The following TTLL9 variants were observed in gnomAD, a reference collection of about 807,000 sequenced individuals.
TTLL9 encodes tubulin tyrosine ligase like 9, also known as probable tubulin polyglutamylase TTLL9.
A neutral mutation model predicts 65.6 loss-of-function variants in TTLL9; 47 were observed. That is an observed-to-expected ratio of 0.72 (90% CI 0.57 to 0.91). TTLL9 has a LOEUF of 0.91. Among genes scored for constraint, TTLL9 ranks in the 40% least tolerant of loss-of-function variants. TTLL9 has a pLI of 0.00. For synonymous variants in TTLL9, 179 were observed against 204.8 expected (o/e 0.87, Z 1.07); for missense variants, 537 against 568.8 (o/e 0.94, Z 0.57).
intron 3 of TTLL9, among the ~76,000 whole-genome samples, chr20:31,897,799 C>G (rs2063407991): frequency 6.6e-6 from 1 of 152,160 alleles, no homozygotes; most frequent in South Asian, 2.1e-4. Flanking sequence ...GAGTGGGCCA[C>G]AGATGTGTTC....
chr20:31,873,828 GAAAGAAAGA>G (rs1237441864), intron 2 of TTLL9, among the ~76,000 whole-genome samples: 4,632 of 60,216 alleles, frequency 0.077, 93 homozygotes, highest in Non-Finnish European at 0.1. Context: ...AAGGAAGAAA[GAAAGAAAGA>G]AAGAAAGAAA....
At chr20:31,898,072 T>C (rs1303042738) in intron 3 of TTLL9, among the ~76,000 whole-genome samples, 1 of 152,180 alleles carries the variant, frequency 6.6e-6, no homozygotes, top group African/African-American at 2.4e-5. Context: ...TTCAGTCTTA[T>C]ATTTGTTTTA....
chr20:31,903,017 C>T (rs978553227), intron 4 of TTLL9, among the ~76,000 whole-genome samples: 1 of 152,146 alleles, frequency 6.6e-6, no homozygotes, highest in Non-Finnish European at 1.5e-5. Flanking sequence ...GCACACACCA[C>T]CATACCTTGC....
chr20:31,886,111 A>AT (rs1277590816), intron 2 of TTLL9, among the ~76,000 whole-genome samples: 1 of 152,334 alleles, frequency 6.6e-6, no homozygotes, highest in Non-Finnish European at 1.5e-5. Flanking sequence ...AACCCCAGCC[A>AT]TCACCTTGAC....
At chr20:31,913,812 C>T (rs1197750091) in intron 6 of TTLL9, among the ~76,000 whole-genome samples, 1 of 152,220 alleles carries the variant, frequency 6.6e-6, no homozygotes, top group Non-Finnish European at 1.5e-5. Flanking sequence ...TAGCTTTCTT[C>T]CCATGGAAGC....
At chr20:31,931,974 A>T (rs2064020070) in intron 10 of TTLL9, among the ~76,000 whole-genome samples, 1 of 152,160 alleles carries the variant, frequency 6.6e-6, no homozygotes, top group Non-Finnish European at 1.5e-5. Context: ...GGTCACAGTG[A>T]CTTATTCCTC....
intron 9 of TTLL9, among the ~76,000 whole-genome samples, chr20:31,925,357 T>A (rs574522637): frequency 7.9e-5 from 12 of 152,292 alleles, no homozygotes; most frequent in Admixed American, 2.6e-4. Flanking sequence ...AGGTTTTATC[T>A]CATTCAGGCC....
At chr20:31,942,391 C>T (rs2064225466) in intron 14 of TTLL9, among the ~76,000 whole-genome samples, 1 of 152,168 alleles carries the variant, frequency 6.6e-6, no homozygotes, top group South Asian at 2.1e-4. Flanking sequence ...GTACGGAAAA[C>T]TCATCTCTTA....
intron 7 of TTLL9, among the ~76,000 whole-genome samples, chr20:31,922,459 C>A (rs939465457): frequency 6.6e-6 from 1 of 152,174 alleles, no homozygotes; most frequent in African/African-American, 2.4e-5. Context: ...CCGTTCCCTC[C>A]TCTCCCCAGC....
At chr20:31,923,222 A>T (rs1036014960) in intron 8 of TTLL9, among the ~76,000 whole-genome samples, 169 bp downstream of exon 8, 4 of 152,204 alleles carry the variant, frequency 2.6e-5, no homozygotes, top group African/African-American at 9.7e-5. Flanking sequence ...TTGCCTGTAC[A>T]GTTCCCTCTG....
In TTLL9 at chr20:31,873,828, G is replaced by GAAAGAA. The variant is rs1555800235; in HGVS notation, c.69+2635_69+2640dup. On this transcript the variant is annotated intron_variant, in intron 2 of 14. Coordinates refer to ENST00000535842, the MANE Select transcript of TTLL9 (RefSeq NM_001008409.5). ...AGGAAGGAAGGAAGGAAGGAAGAAA[G>GAAAGAA]AAAGAAAGAAAGAAAGAAAGAAAGA... 9.7e-3 allele frequency among the ~76,000 whole-genome samples: 593 copies of GAAAGAA among 61,374 alleles called. 9 individuals carry two copies. Among genetic ancestry groups the GAAAGAA allele is most frequent in the African/African-American group, 0.035 (522 of 14,766 alleles). The allele number at this position is 61,374 out of a possible 152,430, so 40.3% of individuals were successfully genotyped here. A position where few individuals can be genotyped will look rare whatever the true frequency, so the allele number is the denominator to read the frequency against.
At chr20:31,892,260 A>G (rs2063317952) in intron 3 of TTLL9, among the ~76,000 whole-genome samples, 2 of 151,696 alleles carry the variant, frequency 1.3e-5, no homozygotes, top group South Asian at 4.2e-4. Context: ...GCTCACTGCA[A>G]ACTCTGCCTC....
At chr20:31,915,172 A>T (rs1316560762) in intron 6 of TTLL9, among the ~76,000 whole-genome samples, 2 of 152,216 alleles carry the variant, frequency 1.3e-5, no homozygotes, top group Non-Finnish European at 2.9e-5. Context: ...GATTTGTTGC[A>T]TTCCTAATAG....
intron 3 of TTLL9, among the ~76,000 whole-genome samples, chr20:31,897,461 A>C (rs1291690315): frequency 6.6e-6 from 1 of 152,178 alleles, no homozygotes; most frequent in Non-Finnish European, 1.5e-5. Context: ...TGATCTTTCC[A>C]GAGAACTTGC....
chr20:31,876,123 T>C (rs907268858), intron 2 of TTLL9, among the ~76,000 whole-genome samples: 5 of 152,240 alleles, frequency 3.3e-5, no homozygotes, highest in African/African-American at 4.8e-5. Context: ...TAAATCTGGA[T>C]CATTCTTATC....
At chr20:31,871,100 T>C in intron 1 of TTLL9, 22 bp from the exon 2 acceptor site, 2 of 1,611,632 alleles carry the variant, frequency 1.2e-6, no homozygotes, top group Non-Finnish European at 8.5e-7. Context: ...CACTCCTTCC[T>C]TCCATCCATT....
intron 2 of TTLL9, among the ~76,000 whole-genome samples, chr20:31,880,517 G>A (rs2063102549): frequency 6.7e-6 from 1 of 149,578 alleles, no homozygotes; most frequent in Non-Finnish European, 1.5e-5. Flanking sequence ...TTTTTGAGAC[G>A]GAGTCTCACT....
At chr20:31,925,731 A>G in intron 9 of TTLL9, 2 of 688,546 alleles carry the variant, frequency 2.9e-6, no homozygotes, top group South Asian at 3.6e-5. Context: ...CTGGTGTAAA[A>G]GCAGGTGCCT....
At chr20:31,915,984 T>A (rs2063728251) in intron 6 of TTLL9, among the ~76,000 whole-genome samples, 1 of 152,184 alleles carries the variant, frequency 6.6e-6, no homozygotes, top group Non-Finnish European at 1.5e-5. Flanking sequence ...GGACAGTGCT[T>A]GACAAGGAAG....
Sources: gnomAD v4.1 joint callset for allele counts (sites outside exome capture counted in the v4.1 genomes callset) on GRCh38, gnomAD v4.1.1 for gene constraint, MANE v1.5 for transcripts, NCBI Gene and HGNC (gene_info 2026-07-23, HGNC 2026-07-21) for gene names.